PARG: variants seen among roughly 807,000 people sequenced by gnomAD.
PARG encodes the protein poly(ADP-ribose) glycohydrolase, also known as mitochondrial poly(ADP-ribose) glycohydrolase.
PARG carries 35 observed loss-of-function variants against 113.0 expected under a neutral mutation model. That is an observed-to-expected ratio of 0.31 (90% CI 0.24 to 0.41). The LOEUF (loss-of-function observed/expected upper bound fraction) is 0.41. Ranked by LOEUF, PARG falls within the 10% of genes least tolerant of loss-of-function variation. The pLI is 1.00. For missense variants in PARG, 797 were observed against 1,169.4 expected (o/e 0.68, Z 4.64); for synonymous variants, 330 against 409.9 (o/e 0.81, Z 2.36).
At chr10:49,852,689 T>C (rs1178569089) in intron 13 of PARG, among the ~76,000 whole-genome samples, 3 of 150,916 alleles carry the variant, frequency 2.0e-5, no homozygotes, top group Non-Finnish European at 4.4e-5. Context: ...CTCAGCCTCC[T>C]GAGTAGCTGG....
chr10:49,877,323 CGG>C, intron 9 of PARG, among the ~76,000 whole-genome samples: 1 of 151,234 alleles, frequency 6.6e-6, no homozygotes, highest in African/African-American at 2.4e-5. Context: ...ATATGGTCTT[CGG>C]GGCTGACACT....
intron 16 of PARG, among the ~76,000 whole-genome samples, chr10:49,827,172 C>G (rs1464568696): frequency 6.6e-6 from 1 of 152,080 alleles, no homozygotes; most frequent in Non-Finnish European, 1.5e-5. Context: ...TACAAGGGAC[C>G]GAAGTAATTA....
At chr10:49,939,097 C>G (rs1838888457) in intron 1 of PARG, among the ~76,000 whole-genome samples, 1 of 152,152 alleles carries the variant, frequency 6.6e-6, no homozygotes, top group African/African-American at 2.4e-5. Flanking sequence ...TCCTCCTTTA[C>G]ATGCAAATAA....
At chr10:49,870,057 T>C (rs1846719536) in intron 9 of PARG, among the ~76,000 whole-genome samples, 1 of 152,138 alleles carries the variant, frequency 6.6e-6, no homozygotes, top group African/African-American at 2.4e-5. Flanking sequence ...CAATCCTTGT[T>C]AATTAAACAA....
chr10:49,927,161 G>A (rs1305220310), intron 4 of PARG, among the ~76,000 whole-genome samples: 1 of 151,964 alleles, frequency 6.6e-6, no homozygotes, highest in East Asian at 1.9e-4. Flanking sequence ...ACAAAAATTA[G>A]TTAGGCATTG....
At chr10:49,920,464 A>AAAAAAAAAAAAAAAAATG (rs782334188) in intron 6 of PARG, among the ~76,000 whole-genome samples, 1 of 45,766 alleles carries the variant, frequency 2.2e-5, no homozygotes, top group African/African-American at 8.0e-5. Flanking sequence ...AAAAAAAAAA[A>AAAAAAAAAAAAAAAAATG]TATATATATA....
At chr10:49,892,116 TC>T (rs773759145) in intron 7 of PARG, among the ~76,000 whole-genome samples, 47 of 152,128 alleles carry the variant, frequency 3.1e-4, no homozygotes, top group Non-Finnish European at 6.6e-4. Context: ...TACCTAAGTT[TC>T]TTTTTCCTCA....
chr10:49,841,749 C>A (rs1413141040), intron 15 of PARG, among the ~76,000 whole-genome samples: 1 of 152,202 alleles, frequency 6.6e-6, no homozygotes, highest in Non-Finnish European at 1.5e-5. Flanking sequence ...AACAGCCTAT[C>A]TGGCAACCTT....
In PARG at chr10:49,931,985, T is replaced by C. The variant is rs1838509984; in HGVS notation, c.1455+115A>G. The C allele has an allele frequency of 7.5e-6, 5 of 666,292 alleles. 1 individual carries two copies. Among genetic ancestry groups the C allele is most frequent in the South Asian group, 7.5e-5 (4 of 53,626 alleles). The allele number at this position is 666,292 out of a possible 1,614,324, so 41.3% of individuals were successfully genotyped here. A position where few individuals can be genotyped will look rare whatever the true frequency, so the allele number is the denominator to read the frequency against. ...ATTCTGTAGAATTCTCAGTATTTTA[T>C]ATATGCAGAAAACAGAAGAACTTTC... On this transcript the variant is annotated intron_variant, in intron 4 of 17. Transcript: ENST00000616448.
At chr10:49,843,489 G>T (rs1554832730) in intron 14 of PARG, 65 bp downstream of exon 14, 1 of 948,022 alleles carries the variant, frequency 1.1e-6, no homozygotes, top group Non-Finnish European at 1.7e-6. Context: ...ATGAGAGTGT[G>T]TGAGGGTCAA....
intron 7 of PARG, among the ~76,000 whole-genome samples, chr10:49,902,339 T>C (rs1225220757): frequency 6.6e-6 from 1 of 152,174 alleles, no homozygotes; most frequent in Non-Finnish European, 1.5e-5. Flanking sequence ...TTATAGCCCA[T>C]ATAAAAATGA....
chr10:49,903,015 CAG>C (rs1848416274), intron 7 of PARG, among the ~76,000 whole-genome samples: 1 of 151,902 alleles, frequency 6.6e-6, no homozygotes. Context: ...TTAGTAGAGA[CAG>C]GGTTTCACCA....
At chr10:49,940,933 C>T (rs1358128552) in intron 1 of PARG, among the ~76,000 whole-genome samples, 1 of 152,182 alleles carries the variant, frequency 6.6e-6, no homozygotes, top group Non-Finnish European at 1.5e-5. Context: ...TTTTCGATTC[C>T]ATAAATTCAG....
chr10:49,843,104 G>A (rs1425360972), intron 14 of PARG, among the ~76,000 whole-genome samples: 12 of 152,206 alleles, frequency 7.9e-5, no homozygotes, highest in Admixed American at 7.9e-4. Flanking sequence ...AAAGCACACC[G>A]CAGGTTCTGC....
At chr10:49,936,941 T>C (rs1838774877) in intron 1 of PARG, among the ~76,000 whole-genome samples, 1 of 152,230 alleles carries the variant, frequency 6.6e-6, no homozygotes, top group Non-Finnish European at 1.5e-5. Flanking sequence ...GATTAATGTT[T>C]CAAAAATAGT....
intron 13 of PARG, among the ~76,000 whole-genome samples, chr10:49,844,571 G>A (rs1046394552): frequency 2.6e-5 from 4 of 151,100 alleles, no homozygotes; most frequent in Non-Finnish European, 5.9e-5. Flanking sequence ...TGCAGTGAGC[G>A]GAGATTGTGT....
chr10:49,920,485 TATATATATATATACAC>T (rs1564658398), intron 6 of PARG, among the ~76,000 whole-genome samples: 9 of 104,396 alleles, frequency 8.6e-5, no homozygotes, highest in East Asian at 2.2e-4. Flanking sequence ...TATATATATA[TATATATATATATACAC>T]ACACACACAC....
Position 49,920,585 on chromosome 10 carries a change from CACATATAT to C in PARG, c.1662+1743_1662+1750del, listed in dbSNP as rs1191183543. On this transcript the variant is annotated intron_variant, in intron 6 of 17. Transcript: ENST00000616448. ...ACGTATATATACGTGTATATATATA[CACATATAT>C]ACATATATACGTACATATATACGTA... Among the ~76,000 whole-genome samples, 3 of 136,152 alleles carry C rather than the reference CACATATAT, an allele frequency of 2.2e-5. No homozygotes were observed. The East Asian group carries it at 6.3e-4, about 29-fold the overall frequency. 89.3% of individuals were successfully genotyped at this position (136,152 alleles called of 152,430 possible).
chr10:49,890,992 T>C (rs1186573311), intron 7 of PARG, among the ~76,000 whole-genome samples: 1 of 152,240 alleles, frequency 6.6e-6, no homozygotes, highest in Non-Finnish European at 1.5e-5. Context: ...CATAGATCTT[T>C]TTCAAACAGT....
Sources: allele counts gnomAD v4.1 joint callset (sites outside exome capture counted in the v4.1 genomes callset), GRCh38; gene constraint gnomAD v4.1.1; transcripts MANE v1.5; gene names NCBI Gene and HGNC (gene_info 2026-07-23, HGNC 2026-07-21).